The following PLEKHA7 variants were observed in gnomAD, a reference collection of about 807,000 sequenced individuals.
The protein encoded by PLEKHA7 is pleckstrin homology domain containing A7.
In PLEKHA7, 104 loss-of-function variants were observed where a neutral mutation model predicts 170.0. That is an observed-to-expected ratio of 0.61 (90% CI 0.52 to 0.72). The LOEUF (loss-of-function observed/expected upper bound fraction) is 0.72, where lower values mean the gene tolerates loss of function less well. Among genes scored for constraint, PLEKHA7 ranks in the 30% least tolerant of loss-of-function variants. The pLI, the probability that PLEKHA7 is intolerant of heterozygous loss-of-function variation, is 0.00. For missense variants in PLEKHA7, 1,615 were observed against 1,671.7 expected, an observed-to-expected ratio of 0.97 and a Z score of 0.59; for synonymous variants, 648 against 660.8, an observed-to-expected ratio of 0.98 and a Z score of 0.30.
rs868448075 is a variant in PLEKHA7 at position 16,855,086 on chromosome 11, C to G, written c.418-93G>C. The G allele has an allele frequency of 2.9e-6, 3 of 1,026,390 alleles. No individual in the cohort carries two copies. In the Middle Eastern group the frequency reaches 6.2e-4, roughly 210 times the overall value. 63.6% of individuals were successfully genotyped at this position (1,026,390 alleles called of 1,614,324 possible). A position where few individuals can be genotyped will look rare whatever the true frequency, so the allele number is the denominator to read the frequency against. On this transcript the variant is annotated intron_variant, in intron 5 of 26. Coordinates refer to ENST00000531066, the MANE Select transcript of PLEKHA7 (RefSeq NM_001329630.2). ...TAGGAGGACCGTCGGCTCTCTCTGC[C>G]TCACTCTAAATGGCAGCACCCTTTG...
intron 3 of PLEKHA7, among the ~76,000 whole-genome samples, chr11:16,927,771 G>A (rs1276423424): frequency 6.6e-6 from 1 of 152,190 alleles, no homozygotes; most frequent in Admixed American, 6.5e-5. Context: ...CTTCATTGTG[G>A]ATGAGCACAA....
Position 16,803,466 on chromosome 11 carries a change from T to A in PLEKHA7, c.2008-171A>T. 1.3e-5 allele frequency: 8 copies of A among 628,270 alleles called. 1 individual carries two copies. In the South Asian group the frequency reaches 1.7e-4, roughly 13 times the overall value. The allele number at this position is 628,270 out of a possible 1,614,324, so 38.9% of individuals were successfully genotyped here. ...CATACTTCGCTATTTCTATGCCTAT[T>A]TCATTTTAGGAAAAAACCAAAACCT... On this transcript the variant is annotated intron_variant, in intron 13 of 26. Transcript: ENST00000531066.
chr11:16,959,651 T>C (rs1474905206), intron 3 of PLEKHA7, among the ~76,000 whole-genome samples: 2 of 152,172 alleles, frequency 1.3e-5, no homozygotes, highest in Non-Finnish European at 2.9e-5. Context: ...GAACCTGAAT[T>C]GGCTCCGTGA....
intron 3 of PLEKHA7, among the ~76,000 whole-genome samples, chr11:16,991,357 C>T (rs1185783965): frequency 6.6e-6 from 1 of 152,140 alleles, no homozygotes; most frequent in African/African-American, 2.4e-5. Context: ...GGTTCCTTGT[C>T]TTCATGGAGA....
At chr11:16,889,420 A>AAAAAAAAAAAAAATAT (rs61086849) in intron 3 of PLEKHA7, among the ~76,000 whole-genome samples, 8 of 74,666 alleles carry the variant, frequency 1.1e-4, no homozygotes, top group Non-Finnish European at 1.4e-4. Context: ...AAAAAAAAAA[A>AAAAAAAAAAAAAATAT]ATATATATAT....
chr11:16,790,219 A>C (rs1269863805), intron 21 of PLEKHA7: 1 of 314,822 alleles, frequency 3.2e-6, no homozygotes, highest in African/African-American at 2.1e-5. Flanking sequence ...GGCACCCTGC[A>C]CAACCCAACT....
intron 3 of PLEKHA7, among the ~76,000 whole-genome samples, chr11:16,875,694 T>A (rs1211134156): frequency 6.6e-6 from 1 of 152,048 alleles, no homozygotes; most frequent in African/African-American, 2.4e-5. Context: ...ATCTACCCCC[T>A]TGGGCCCCCA....
intron 3 of PLEKHA7, among the ~76,000 whole-genome samples, chr11:16,886,568 G>A (rs1027014634): frequency 6.6e-6 from 1 of 152,090 alleles, no homozygotes; most frequent in Admixed American, 6.5e-5. Flanking sequence ...AAAATTAGCA[G>A]GGCATGGTAG....
chr11:16,843,378 C>G (rs953305098), intron 8 of PLEKHA7, among the ~76,000 whole-genome samples: 2 of 152,234 alleles, frequency 1.3e-5, no homozygotes, highest in Non-Finnish European at 2.9e-5. Context: ...GAAAACCTCT[C>G]AAATGAACCT....
Position 16,790,920 on chromosome 11 carries a change from G to A in PLEKHA7, c.2935-5C>T, listed in dbSNP as rs774292767. ...GACATACGACCGCAGCTCCACCTGT[G>A]GGCAGAGTCCCAGGTGATGTGACCT... On this transcript the variant is annotated splice_polypyrimidine_tract_variant and splice_region_variant and intron_variant, in intron 20 of 26. Transcript: ENST00000531066. 4 of 1,613,576 alleles carry A rather than the reference G, an allele frequency of 2.5e-6. No individual in the cohort carries two copies. Among genetic ancestry groups the A allele is most frequent in the Non-Finnish European group, 2.5e-6 (3 of 1,179,860 alleles).
At chr11:16,852,451 C>T (rs1169516586) in intron 6 of PLEKHA7, 96 bp from the exon 7 acceptor site, 1 of 954,872 alleles carries the variant, frequency 1.0e-6, no homozygotes, top group East Asian at 2.6e-5. Flanking sequence ...AATATTTGCC[C>T]ATATTCACTC....
intron 3 of PLEKHA7, among the ~76,000 whole-genome samples, chr11:16,981,028 T>C (rs907644627): frequency 2.6e-5 from 4 of 152,096 alleles, no homozygotes; most frequent in African/African-American, 4.8e-5. Flanking sequence ...CACAAGTCCC[T>C]CCTCTTTATG....
At chr11:16,913,054 C>T (rs1858365413) in intron 3 of PLEKHA7, among the ~76,000 whole-genome samples, 1 of 152,176 alleles carries the variant, frequency 6.6e-6, no homozygotes, top group Non-Finnish European at 1.5e-5. Flanking sequence ...GTAGAGGGCA[C>T]AGCTGCTTTA....
chr11:16,989,566 T>TAC, intron 3 of PLEKHA7, among the ~76,000 whole-genome samples: 1 of 152,344 alleles, frequency 6.6e-6, no homozygotes, highest in Admixed American at 6.5e-5. Context: ...ACCACAGCTC[T>TAC]ACTGCTTTCA....
chr11:16,845,096 C>T (rs1038063865), intron 8 of PLEKHA7, among the ~76,000 whole-genome samples: 1 of 152,220 alleles, frequency 6.6e-6, no homozygotes, highest in African/African-American at 2.4e-5. Flanking sequence ...GACATTGCAG[C>T]TGCCTTCTAC....
chr11:16,917,071 T>G (rs965571891), intron 3 of PLEKHA7, among the ~76,000 whole-genome samples: 15 of 151,996 alleles, frequency 9.9e-5, no homozygotes, highest in Admixed American at 8.5e-4. Flanking sequence ...ATACAAAAAT[T>G]AGCCGGGCTT....
At chr11:16,786,468 C>A in intron 23 of PLEKHA7, 81 bp from the exon 24 acceptor site, 1 of 1,521,028 alleles carries the variant, frequency 6.6e-7, no homozygotes, top group Non-Finnish European at 8.8e-7. Flanking sequence ...TCCATGGGGT[C>A]CTTTGGAAGA....
intron 24 of PLEKHA7, among the ~76,000 whole-genome samples, chr11:16,784,677 G>A (rs1380118089): frequency 1.3e-5 from 2 of 152,158 alleles, no homozygotes; most frequent in African/African-American, 2.4e-5. Flanking sequence ...ACACTAAAAT[G>A]GGGTGGGTTG....
At chr11:16,969,245 T>C (rs1862564917) in intron 3 of PLEKHA7, among the ~76,000 whole-genome samples, 1 of 152,136 alleles carries the variant, frequency 6.6e-6, no homozygotes, top group Non-Finnish European at 1.5e-5. Context: ...GGAAGCCAGA[T>C]GACAGAATTA....
Sources: allele counts gnomAD v4.1 joint callset (sites outside exome capture counted in the v4.1 genomes callset), GRCh38; gene constraint gnomAD v4.1.1; transcripts MANE v1.5; gene names NCBI Gene and HGNC (gene_info 2026-07-23, HGNC 2026-07-21).